The following SIRT2 variants were observed in gnomAD, a reference collection of about 807,000 sequenced individuals.
The protein encoded by SIRT2 is sirtuin 2.
A neutral mutation model predicts 57.4 loss-of-function variants in SIRT2; 40 were observed. That is an observed-to-expected ratio of 0.70 (90% confidence interval 0.54 to 0.91). SIRT2 has a LOEUF of 0.91. Ranked by LOEUF, SIRT2 falls within the 40% of genes least tolerant of loss-of-function variation. The pLI is 0.00. For missense variants in SIRT2, 439 were observed against 510.4 expected, an observed-to-expected ratio of 0.86 and a Z score of 1.35; for synonymous variants, 161 against 195.7, an observed-to-expected ratio of 0.82 and a Z score of 1.48.
intron 11 of SIRT2, 65 bp downstream of exon 11, chr19:38,881,035 C>T: frequency 1.9e-6 from 3 of 1,575,562 alleles, no homozygotes; most frequent in Non-Finnish European, 1.7e-6. Flanking sequence ...CCAGGCTGCC[C>T]CCATGGGGCC....
At chr19:38,889,558 A>T in intron 7 of SIRT2, 131 bp downstream of exon 7, 1 of 1,012,666 alleles carries the variant, frequency 9.9e-7, no homozygotes, top group Non-Finnish European at 1.5e-6. Context: ...ACTTGAACCG[A>T]GGCAGTCTGG....
At chr19:38,891,927 G>C in intron 4 of SIRT2, 1 of 470,026 alleles carries the variant, frequency 2.1e-6, no homozygotes, top group Non-Finnish European at 4.4e-6. Context: ...GGAGGCTCAG[G>C]GCAGCAGGCC....
chr19:38,897,068 C>A (rs992948313), intron 2 of SIRT2, among the ~76,000 whole-genome samples: 1 of 152,102 alleles, frequency 6.6e-6, no homozygotes, highest in African/African-American at 2.4e-5. Context: ...CTCCTGTAGC[C>A]GAGGGACGGG....
intron 2 of SIRT2, among the ~76,000 whole-genome samples, chr19:38,896,311 A>G (rs910551835): frequency 9.2e-5 from 14 of 152,236 alleles, no homozygotes; most frequent in Non-Finnish European, 2.9e-5. Context: ...TTTTTTACAG[A>G]AATAGGTCAT....
At chr19:38,892,897 C>A (rs1973589444) in intron 4 of SIRT2, among the ~76,000 whole-genome samples, 1 of 152,162 alleles carries the variant, frequency 6.6e-6, no homozygotes, top group Non-Finnish European at 1.5e-5. Flanking sequence ...TTTATTTAGC[C>A]CCGCCAATAA....
Position 38,898,362 on chromosome 19 carries a change from C to T in SIRT2, c.63+17G>A. 6.7e-7 allele frequency: 1 copy of T among 1,489,700 alleles called. No homozygotes were observed. Among genetic ancestry groups the T allele is most frequent in the Non-Finnish European group, 9.0e-7 (1 of 1,109,704 alleles). 92.3% of individuals were successfully genotyped at this position (1,489,700 alleles called of 1,614,324 possible). On this transcript the variant is annotated intron_variant, in intron 2 of 15. Transcript: ENST00000249396. ...AGTCCGTCTCTCTCCTCCCCTCCACCCTTTCCCCCATCTCACCTGAGCCTC... is the reference window on the plus strand; with the variant it reads ...AGTCCGTCTCTCTCCTCCCCTCCACTCTTTCCCCCATCTCACCTGAGCCTC...
intron 8 of SIRT2, among the ~76,000 whole-genome samples, chr19:38,887,785 A>C (rs1973389127): frequency 6.6e-6 from 1 of 152,142 alleles, no homozygotes; most frequent in Non-Finnish European, 1.5e-5. Flanking sequence ...ATTGAGATGG[A>C]GTCTTGCTCT....
intron 3 of SIRT2, 101 bp from the exon 4 acceptor site, chr19:38,893,628 A>T: frequency 8.5e-7 from 1 of 1,182,512 alleles, no homozygotes; most frequent in Non-Finnish European, 1.2e-6. Flanking sequence ...CGGCCTCCCC[A>T]CATCTAAAGG....
At position 38,880,617 on chromosome 19, in the gene SIRT2, C is replaced by T; in HGVS notation, c.876+68G>A. Reference sequence around the variant, plus strand: ...TGCTGGGGTTCCACAGTGGGGGTTCCCTCTGAGGAAAAGGGTGAGAGGGAA... The same window carrying T: ...TGCTGGGGTTCCACAGTGGGGGTTCTCTCTGAGGAAAAGGGTGAGAGGGAA... On this transcript the variant is annotated intron_variant, in intron 13 of 15. Transcript: ENST00000249396. The surrounding 1 kb of genome is among the most constrained non-coding windows in gnomAD (Gnocchi z 4.1). 9.0e-7 allele frequency: 1 copy of T among 1,105,940 alleles called. No homozygotes were observed. 68.5% of individuals were successfully genotyped at this position (1,105,940 alleles called of 1,614,324 possible).
intron 4 of SIRT2, chr19:38,891,901 G>A (rs779840682): frequency 3.0e-5 from 14 of 469,494 alleles, no homozygotes; most frequent in East Asian, 1.4e-4. Flanking sequence ...ACAGCTGCTC[G>A]CCTGCCGCAG....
intron 2 of SIRT2, 112 bp from the exon 3 acceptor site, chr19:38,893,979 A>G (rs781567533): frequency 3.2e-6 from 5 of 1,565,310 alleles, no homozygotes; most frequent in Non-Finnish European, 4.3e-6. Flanking sequence ...GGCCTGAGGA[A>G]GTGCGGGGTG....
At chr19:38,899,368 G>A (rs77780712) in intron 1 of SIRT2, 138 bp downstream of exon 1, 1 of 954,874 alleles carries the variant, frequency 1.0e-6, no homozygotes, top group African/African-American at 1.6e-5. Context: ...AGATCGCTAA[G>A]CAACAGCCCT....
rs1973093157 is a variant in SIRT2 at position 38,880,022 on chromosome 19, A to C, written c.877-320T>G. ...GTATTATTAGTAGAGACGGGGTTTC[A>C]CCATGTTGGTCAGGCTGGTCTCGAA... On this transcript the variant is annotated intron_variant, in intron 13 of 15. Coordinates refer to ENST00000249396, the MANE Select transcript of SIRT2 (RefSeq NM_012237.4). The surrounding 1 kb of genome is among the most constrained non-coding windows in gnomAD (Gnocchi z 4.1). 1 of 277,914 alleles carries C rather than the reference A, an allele frequency of 3.6e-6. No individual in the cohort carries two copies. Among genetic ancestry groups the C allele is most frequent in the South Asian group, 5.4e-5 (1 of 18,608 alleles). 17.2% of individuals were successfully genotyped at this position (277,914 alleles called of 1,614,324 possible).
intron 2 of SIRT2, 166 bp from the exon 3 acceptor site, chr19:38,894,033 G>A (rs1275718641): frequency 7.0e-7 from 1 of 1,430,836 alleles, no homozygotes; most frequent in Non-Finnish European, 9.3e-7. Context: ...TCTGGGACAG[G>A]CTGCCGGGGT....
chr19:38,885,874 C>G (rs935992294), intron 8 of SIRT2, among the ~76,000 whole-genome samples: 7 of 152,152 alleles, frequency 4.6e-5, no homozygotes, highest in African/African-American at 1.7e-4. Flanking sequence ...CAGGTGTGAG[C>G]CACTGCGCCC....
chr19:38,890,195 C>A (rs368133300), intron 4 of SIRT2, 51 bp from the exon 5 acceptor site: 2 of 1,588,484 alleles, frequency 1.3e-6, no homozygotes, highest in Admixed American at 3.4e-5. Flanking sequence ...TCAGTCCCTA[C>A]GATAGCACCA....
intron 1 of SIRT2, 83 bp downstream of exon 1, chr19:38,899,423 C>A: frequency 1.3e-6 from 2 of 1,509,684 alleles, no homozygotes; most frequent in Non-Finnish European, 1.8e-6. Flanking sequence ...CGCCCCACCG[C>A]GGCCACCCTT....
At chr19:38,895,645 G>C (rs1600130196) in intron 2 of SIRT2, among the ~76,000 whole-genome samples, 1 of 152,204 alleles carries the variant, frequency 6.6e-6, no homozygotes, top group South Asian at 2.1e-4. Flanking sequence ...TTTTAAGACT[G>C]TGCAACTCCG....
chr19:38,897,764 G>A (rs1229880042), intron 2 of SIRT2, among the ~76,000 whole-genome samples: 2 of 152,130 alleles, frequency 1.3e-5, no homozygotes, highest in African/African-American at 4.8e-5. Context: ...GGGCTCAAGC[G>A]ATCCTCCTAC....
Sources: allele counts gnomAD v4.1 joint callset (sites outside exome capture counted in the v4.1 genomes callset), GRCh38; gene constraint gnomAD v4.1.1; non-coding constraint Gnocchi (gnomAD v3.1); transcripts MANE v1.5; gene names NCBI Gene and HGNC (gene_info 2026-07-23, HGNC 2026-07-21).